The following MTUS1 variants were observed in gnomAD, a reference collection of about 807,000 sequenced individuals.
MTUS1 encodes the protein microtubule-associated tumor suppressor 1.
In MTUS1, 109 loss-of-function variants were observed where a neutral mutation model predicts 120.8. The ratio of observed to expected loss-of-function variants is 0.90; its 90% CI spans 0.77 to 1.06. MTUS1 has a LOEUF of 1.06. MTUS1 is among the 50% of genes least tolerant of loss of function. The probability of loss-of-function intolerance (pLI) is 0.00; values close to 1 mark genes in which losing one functional copy is unlikely to be tolerated. For missense variants in MTUS1, 2,210 were observed against 1,486.3 expected, an observed-to-expected ratio of 1.49 and a Z score of -8.01; for synonymous variants, 737 against 550.5, an observed-to-expected ratio of 1.34 and a Z score of -4.74.
chr8:17,731,215 T>C (rs913518523), intron 3 of MTUS1, among the ~76,000 whole-genome samples: 5 of 152,120 alleles, frequency 3.3e-5, no homozygotes, highest in African/African-American at 9.7e-5. Context: ...AAATTAAAAT[T>C]TGAGAAGCAG....
intron 1 of MTUS1, among the ~76,000 whole-genome samples, chr8:17,798,579 G>T (rs1009338345): frequency 2.6e-5 from 4 of 152,108 alleles, no homozygotes; most frequent in Admixed American, 2.0e-4. Context: ...TGATCCGCCC[G>T]CCTTGGCTTC....
chr8:17,670,034 G>A lies in MTUS1; in HGVS notation c.2905+5152C>T, dbSNP rs138155314. 1.9e-3 allele frequency among the ~76,000 whole-genome samples: 286 copies of A among 152,306 alleles called. 2 individuals are homozygous for A. The highest frequency in any genetic ancestry group is 6.6e-3 in the African/African-American group (275 of 41,576). Reference sequence around the variant, plus strand: ...AGCAGCAGCCAGAATGCTGAGCAGGGATGGATCCAAGTGGCATTTAGGACA... The same window carrying A: ...AGCAGCAGCCAGAATGCTGAGCAGGAATGGATCCAAGTGGCATTTAGGACA... On this transcript the variant is annotated intron_variant, in intron 8 of 14. Coordinates refer to ENST00000693296, the MANE Select transcript of MTUS1 (RefSeq NM_001363059.2).
intron 1 of MTUS1, among the ~76,000 whole-genome samples, chr8:17,773,654 G>A (rs62498369): frequency 6.6e-6 from 1 of 151,948 alleles, no homozygotes; most frequent in Non-Finnish European, 1.5e-5. Flanking sequence ...TCTCTTCTTA[G>A]GAAGCCACCA....
intron 1 of MTUS1, among the ~76,000 whole-genome samples, chr8:17,759,553 G>T (rs937647955): frequency 4.0e-5 from 6 of 148,776 alleles, no homozygotes; most frequent in Non-Finnish European, 5.9e-5. Context: ...TTTAAAAAGG[G>T]GGCAGGATTC....
At chr8:17,727,727 A>G (rs1310553239) in intron 3 of MTUS1, among the ~76,000 whole-genome samples, 2 of 152,238 alleles carry the variant, frequency 1.3e-5, no homozygotes, top group Non-Finnish European at 2.9e-5. Flanking sequence ...CCCAGATGAG[A>G]AAGATAAAGA....
intron 1 of MTUS1, among the ~76,000 whole-genome samples, chr8:17,766,771 T>G (rs148522572): frequency 2.0e-4 from 31 of 152,340 alleles, no homozygotes; most frequent in African/African-American, 7.5e-4. Context: ...AGTTAATGGA[T>G]GTTAAAATTT....
At chr8:17,721,435 C>A (rs1419173478) in intron 4 of MTUS1, among the ~76,000 whole-genome samples, 1 of 152,022 alleles carries the variant, frequency 6.6e-6, no homozygotes, top group Non-Finnish European at 1.5e-5. Flanking sequence ...GAAATTAAAC[C>A]ATCAAAAAGT....
intron 8 of MTUS1, among the ~76,000 whole-genome samples, chr8:17,658,362 T>C (rs553440716): frequency 6.6e-6 from 1 of 152,234 alleles, no homozygotes; most frequent in East Asian, 1.9e-4. Flanking sequence ...TCTTAGCTCT[T>C]CCCTACAACT....
rs1383702842 is a variant in MTUS1 at position 17,646,121 on chromosome 8, C to T, written c.3618G>A (p.Gln1206=). The T allele has an allele frequency of 1.2e-6, 2 of 1,612,476 alleles. No homozygotes were observed. Among genetic ancestry groups the T allele is most frequent in the Admixed American group, 1.7e-5 (1 of 59,822 alleles). ...MAISRQLSTE[Q]AVLQESLEKE... The stretch of plus-strand genomic sequence containing the variant: ...TCTCCAGCGACTCTTGCAGAACAGC[C>T]TGCTCCGTGGAAAGCTGCCTTGAAG... The change falls in exon 15 of 15, where the codon CAG becomes CAA. Residue 1206 remains glutamine (Q), a synonymous_variant. Coordinates refer to ENST00000693296, the MANE Select transcript of MTUS1 (RefSeq NM_001363059.2).
chr8:17,680,464 CAAAAAAAAAAAAAA>C (rs58490523), intron 7 of MTUS1, among the ~76,000 whole-genome samples: 5 of 24,310 alleles, frequency 2.1e-4, no homozygotes, highest in Admixed American at 9.5e-4. Context: ...GCCACTGTCG[CAAAAAAAAAAAAAA>C]AAAAAAAAAA....
intron 8 of MTUS1, among the ~76,000 whole-genome samples, chr8:17,665,553 G>A (rs1014754128): frequency 6.6e-6 from 1 of 152,136 alleles, no homozygotes; most frequent in Non-Finnish European, 1.5e-5. Flanking sequence ...TAGATATGGG[G>A]TTTCACCATG....
At chr8:17,677,016 G>A (rs1813268922) in intron 7 of MTUS1, among the ~76,000 whole-genome samples, 1 of 152,182 alleles carries the variant, frequency 6.6e-6, no homozygotes, top group African/African-American at 2.4e-5. Context: ...GGTCAGCAGG[G>A]ACTGGGATTT....
In MTUS1 at chr8:17,753,797, C is replaced by A. The variant is rs1315756249; in HGVS notation, c.2011G>T (p.Glu671Ter). The change falls in exon 2 of 15, where the codon GAA becomes TAA. Residue 671 changes from glutamate (E) to a stop codon, truncating the protein, a stop_gained. Transcript: ENST00000693296. LOFTEE classifies it high-confidence loss of function. The part of the protein sequence containing the change: ...RISPEKKGEK[E>*]NGTSMEKQEL... ...TGTTTTTCCATAGATGTCCCATTTT[C>A]TTTTTCACCCTTCTTTTCAGGGCTA... The A allele has an allele frequency of 1.9e-6, 3 of 1,613,678 alleles. No homozygotes were observed. The African/African-American group carries it at 4.0e-5, about 22-fold the overall frequency.
chr8:17,746,884 CCTAT>C (rs769841543), intron 2 of MTUS1, among the ~76,000 whole-genome samples: 107 of 152,154 alleles, frequency 7.0e-4, no homozygotes, highest in Admixed American at 1.0e-3. Context: ...ATCTTACTTT[CCTAT>C]CTATCTCAAA....
intron 4 of MTUS1, among the ~76,000 whole-genome samples, chr8:17,718,581 A>G (rs1462536748): frequency 1.3e-5 from 2 of 152,128 alleles, no homozygotes; most frequent in Admixed American, 6.5e-5. Context: ...ACAGTGTTCT[A>G]GAGAGCCATG....
At chr8:17,697,021 G>C (rs1417937372) in intron 6 of MTUS1, among the ~76,000 whole-genome samples, 1 of 152,188 alleles carries the variant, frequency 6.6e-6, no homozygotes, top group Admixed American at 6.5e-5. Context: ...GGAACACCAA[G>C]GCAACAATTC....
intron 1 of MTUS1, among the ~76,000 whole-genome samples, chr8:17,798,508 A>C (rs2052430735): frequency 6.6e-6 from 1 of 152,002 alleles, no homozygotes; most frequent in South Asian, 2.1e-4. Context: ...AATTTTTTGT[A>C]TCTTTAGTAG....
chr8:17,663,010 T>G (rs781668228), intron 8 of MTUS1, among the ~76,000 whole-genome samples: 2 of 152,014 alleles, frequency 1.3e-5, no homozygotes, highest in Non-Finnish European at 2.9e-5. Context: ...CAAGAAGAAT[T>G]CTAGGCCAGT....
At chr8:17,765,577 C>G (rs951017095) in intron 1 of MTUS1, among the ~76,000 whole-genome samples, 2 of 149,368 alleles carry the variant, frequency 1.3e-5, no homozygotes, top group Admixed American at 1.3e-4. Flanking sequence ...TGAGATTATG[C>G]CACTGCACTC....
Sources: gnomAD v4.1 joint callset for allele counts (sites outside exome capture counted in the v4.1 genomes callset) on GRCh38, gnomAD v4.1.1 for gene constraint, MANE v1.5 for transcripts, NCBI Gene and HGNC (gene_info 2026-07-23, HGNC 2026-07-21) for gene names.